Variants in SLCO2A1 observed in about 807,000 individuals in gnomAD.
SLCO2A1 encodes matrin F/G 1.
A neutral mutation model predicts 71.7 loss-of-function variants in SLCO2A1; 60 were observed. The ratio of observed to expected loss-of-function variants is 0.84; its 90% CI spans 0.68 to 1.04. The LOEUF (loss-of-function observed/expected upper bound fraction) is 1.04. SLCO2A1 is among the 50% of genes least tolerant of loss of function. The pLI is 0.00. For synonymous variants in SLCO2A1, 308 were observed against 326.7 expected (o/e 0.94, Z 0.62); for missense variants, 745 against 813.4 (o/e 0.92, Z 1.02).
intron 3 of SLCO2A1, among the ~76,000 whole-genome samples, chr3:133,958,434 T>C (rs28522230): frequency 0.14 from 21,215 of 152,130 alleles, 4,916 homozygotes; most frequent in African/African-American, 0.48. Context: ...CCCGGGGCTG[T>C]TGCCCCAGGT....
chr3:133,983,741 T>G (rs1017861004), intron 1 of SLCO2A1, among the ~76,000 whole-genome samples: 4 of 152,198 alleles, frequency 2.6e-5, no homozygotes, highest in African/African-American at 9.7e-5. Context: ...CTGACTCCTG[T>G]ACAGAAGCAT....
intron 11 of SLCO2A1, among the ~76,000 whole-genome samples, chr3:133,940,207 G>A (rs1352964072): frequency 1.3e-5 from 2 of 152,032 alleles, no homozygotes; most frequent in Non-Finnish European, 2.9e-5. Flanking sequence ...ACCTCAGGTG[G>A]TCCACCCACC....
Position 133,951,194 on chromosome 3 carries a change from T to G in SLCO2A1, c.861+14A>C, listed in dbSNP as rs1481369371. 1.2e-6 allele frequency: 2 copies of G among 1,613,886 alleles called. No individual in the cohort carries two copies. Among genetic ancestry groups the G allele is most frequent in the African/African-American group, 2.7e-5 (2 of 74,898 alleles). On this transcript the variant is annotated intron_variant, in intron 6 of 13. Transcript: ENST00000310926. Reference sequence around the variant, plus strand: ...AACTCCATCAGGTAGAGTCATGGGCTCTTGGAACCTTACCTTTGCTCCTAT... The same window carrying G: ...AACTCCATCAGGTAGAGTCATGGGCGCTTGGAACCTTACCTTTGCTCCTAT...
intron 3 of SLCO2A1, among the ~76,000 whole-genome samples, chr3:133,965,280 C>T (rs1369332496): frequency 6.6e-6 from 1 of 152,178 alleles, no homozygotes. Flanking sequence ...CAAAGCCTGT[C>T]ATGACATCCT....
At chr3:133,991,056 G>C (rs968833054) in intron 1 of SLCO2A1, among the ~76,000 whole-genome samples, 1 of 152,090 alleles carries the variant, frequency 6.6e-6, no homozygotes, top group Non-Finnish European at 1.5e-5. Context: ...ACTGCAGTGA[G>C]CCAAGATCGC....
At chr3:133,948,857 C>G (rs1412636367) in intron 7 of SLCO2A1, 36 bp downstream of exon 7, 1 of 1,608,226 alleles carries the variant, frequency 6.2e-7, no homozygotes, top group East Asian at 2.2e-5. Context: ...CTCCCCCGCA[C>G]TGTGCCAGCC....
chr3:133,942,488 G>T, intron 11 of SLCO2A1, 117 bp downstream of exon 11: 2 of 1,060,766 alleles, frequency 1.9e-6, no homozygotes, highest in Non-Finnish European at 2.7e-6. Context: ...TCATTTAAAG[G>T]ACTCTGAGGG....
At chr3:134,026,028 G>C (rs542308108) in intron 1 of SLCO2A1, among the ~76,000 whole-genome samples, 1 of 152,274 alleles carries the variant, frequency 6.6e-6, no homozygotes, top group African/African-American at 2.4e-5. Flanking sequence ...AGAGATCAAT[G>C]ACCATGGGAA....
intron 2 of SLCO2A1, among the ~76,000 whole-genome samples, chr3:133,975,031 T>C (rs1317250866): frequency 6.6e-6 from 1 of 152,210 alleles, no homozygotes; most frequent in Non-Finnish European, 1.5e-5. Context: ...AGAATTCCCA[T>C]GACACCATCC....
intron 3 of SLCO2A1, among the ~76,000 whole-genome samples, chr3:133,962,262 TACAG>T (rs1194573222): frequency 1.3e-5 from 2 of 152,034 alleles, no homozygotes; most frequent in Admixed American, 6.6e-5. Context: ...GTATTTTTAG[TACAG>T]ACAGTGTTTC....
rs78867591 is a variant in SLCO2A1 at position 133,982,813 on chromosome 3, C to A, written c.97-3195G>T. Among the ~76,000 whole-genome samples, 252 of 152,194 alleles carry A rather than the reference C, an allele frequency of 1.7e-3. 1 individual carries two copies. Among genetic ancestry groups the A allele is most frequent in the Middle Eastern group, 6.8e-3 (2 of 294 alleles). ...TTCCACCACACCACCCCAGGGGGAG[C>A]TTTCTCAAGCACAAACACGAGCAGG... On this transcript the variant is annotated intron_variant, in intron 1 of 13. Coordinates refer to ENST00000310926, the MANE Select transcript of SLCO2A1 (RefSeq NM_005630.3).
chr3:133,942,598 C>T lies in SLCO2A1; in HGVS notation c.1625+7G>A. 1.2e-6 allele frequency: 2 copies of T among 1,602,324 alleles called. No homozygotes were observed. The highest frequency in any genetic ancestry group is 1.7e-6 in the Non-Finnish European group (2 of 1,173,582). On this transcript the variant is annotated splice_region_variant and intron_variant, in intron 11 of 13. Coordinates refer to ENST00000310926, the MANE Select transcript of SLCO2A1 (RefSeq NM_005630.3). Reference sequence around the variant, plus strand: ...ACGCCCCAGACTCACAGAGGTTTGCCACTCACCGCAGAACCATCATGTAGA... The same window carrying T: ...ACGCCCCAGACTCACAGAGGTTTGCTACTCACCGCAGAACCATCATGTAGA...
intron 5 of SLCO2A1, 102 bp downstream of exon 5, chr3:133,953,561 A>C: frequency 1.1e-6 from 1 of 872,958 alleles, no homozygotes; most frequent in Non-Finnish European, 1.9e-6. Flanking sequence ...GGCAGAGCGC[A>C]TCTGGAGCTG....
intron 1 of SLCO2A1, among the ~76,000 whole-genome samples, chr3:134,004,580 C>T (rs535248175): frequency 3.9e-5 from 6 of 152,240 alleles, no homozygotes; most frequent in South Asian, 2.1e-4. Context: ...GTGAACCACC[C>T]GCCTCAGCCT....
intron 1 of SLCO2A1, among the ~76,000 whole-genome samples, chr3:134,010,362 G>A (rs1361705695): frequency 3.3e-5 from 5 of 152,108 alleles, no homozygotes; most frequent in Non-Finnish European, 7.4e-5. Flanking sequence ...GATGGTGAAG[G>A]GGAGGCAAGG....
intron 1 of SLCO2A1, among the ~76,000 whole-genome samples, chr3:133,980,796 C>G (rs968119600): frequency 2.0e-5 from 3 of 152,330 alleles, no homozygotes; most frequent in Admixed American, 2.0e-4. Flanking sequence ...CAGACAGAGC[C>G]CAGAACTCAC....
intron 5 of SLCO2A1, among the ~76,000 whole-genome samples, chr3:133,952,082 C>A (rs1237152364): frequency 6.6e-6 from 1 of 152,182 alleles, no homozygotes; most frequent in Admixed American, 6.5e-5. Flanking sequence ...GGTGGCAGAA[C>A]GGTTCAGTCA....
intron 1 of SLCO2A1, among the ~76,000 whole-genome samples, chr3:133,995,647 A>G (rs1444518199): frequency 6.6e-6 from 1 of 152,204 alleles, no homozygotes; most frequent in Non-Finnish European, 1.5e-5. Context: ...ATGAGTGTTT[A>G]GGGCCCCACA....
intron 10 of SLCO2A1, 108 bp downstream of exon 10, chr3:133,944,987 G>T: frequency 7.8e-7 from 1 of 1,284,684 alleles, no homozygotes; most frequent in East Asian, 2.4e-5. Context: ...ATGAGTGTGT[G>T]TGTGGAGCCC....
Sources: allele counts gnomAD v4.1 joint callset (sites outside exome capture counted in the v4.1 genomes callset), GRCh38; gene constraint gnomAD v4.1.1; transcripts MANE v1.5; gene names NCBI Gene and HGNC (gene_info 2026-07-23, HGNC 2026-07-21).